CERS5: variants seen among roughly 807,000 people sequenced by gnomAD.
CERS5 encodes the protein ceramide synthase 5, also known as LAG1 homolog, ceramide synthase 5.
A neutral mutation model predicts 58.9 loss-of-function variants in CERS5; 37 were observed. That is an observed-to-expected ratio of 0.63 (90% CI 0.48 to 0.83). The LOEUF is 0.83. Among genes scored for constraint, CERS5 ranks in the 40% least tolerant of loss-of-function variants. The pLI, the probability that CERS5 is intolerant of heterozygous loss-of-function variation, is 0.00. For synonymous variants in CERS5, 147 were observed against 177.8 expected (o/e 0.83, Z 1.38); for missense variants, 398 against 489.3 (o/e 0.81, Z 1.76).
At chr12:50,147,677 G>C (rs1263375662) in intron 1 of CERS5, among the ~76,000 whole-genome samples, 1 of 152,190 alleles carries the variant, frequency 6.6e-6, no homozygotes, top group Admixed American at 6.5e-5. Flanking sequence ...GCTGACATGA[G>C]ACTACAGCTG....
intron 1 of CERS5, chr12:50,144,885 C>G: frequency 1.1e-6 from 1 of 919,494 alleles, no homozygotes; most frequent in Non-Finnish European, 1.6e-6. Context: ...CCTGTAATCC[C>G]AGCACTTTGG....
intron 9 of CERS5, 72 bp downstream of exon 9, chr12:50,134,474 T>C (rs751613450): frequency 5.6e-6 from 9 of 1,612,494 alleles, no homozygotes; most frequent in Non-Finnish European, 6.8e-6. Flanking sequence ...CCAGGTTTGA[T>C]GGAGAGAGAA....
intron 1 of CERS5, among the ~76,000 whole-genome samples, chr12:50,150,145 A>G (rs1053812823): frequency 1.2e-4 from 18 of 152,244 alleles, no homozygotes; most frequent in Non-Finnish European, 2.1e-4. Context: ...ACATATAAAA[A>G]GAACAGGAGT....
chr12:50,143,226 C>T (rs1208023639), intron 2 of CERS5, 22 bp from the exon 3 acceptor site: 2 of 1,613,466 alleles, frequency 1.2e-6, no homozygotes, highest in Non-Finnish European at 1.7e-6. Flanking sequence ...TAACCAGAGT[C>T]AGAACACCCG....
At chr12:50,133,834 G>T in intron 9 of CERS5, 1 of 901,316 alleles carries the variant, frequency 1.1e-6, no homozygotes, top group East Asian at 1.2e-4. Context: ...AGCACTTCGG[G>T]AGGCCAAGGT....
chr12:50,130,209 G>T lies in CERS5; in HGVS notation c.*336C>A. 1 of 202,334 alleles carries T rather than the reference G, an allele frequency of 4.9e-6. No homozygotes were observed. The allele number at this position is 202,334 out of a possible 1,614,324, so 12.5% of individuals were successfully genotyped here. ...CATAATTCAAGATGCAGCCAAATGT[G>T]GAACTAAGGTGGGTTCAGTGGGGAC... is the stretch of plus-strand genomic sequence containing the variant. On this transcript the variant is annotated 3_prime_UTR_variant, in exon 10 of 10. Transcript: ENST00000317551.
chr12:50,149,878 G>A (rs1323280363), intron 1 of CERS5, among the ~76,000 whole-genome samples: 1 of 152,102 alleles, frequency 6.6e-6, no homozygotes, highest in South Asian at 2.1e-4. Flanking sequence ...TAGTAGCTGG[G>A]ACTACAGGCG....
intron 1 of CERS5, among the ~76,000 whole-genome samples, chr12:50,145,321 A>T (rs890915885): frequency 6.6e-6 from 1 of 151,772 alleles, no homozygotes; most frequent in Non-Finnish European, 1.5e-5. Flanking sequence ...GAAAGATCTC[A>T]CTCTCCCCCG....
intron 1 of CERS5, among the ~76,000 whole-genome samples, chr12:50,148,175 T>C (rs966019305): frequency 6.6e-6 from 1 of 151,918 alleles, no homozygotes; most frequent in African/African-American, 2.4e-5. Context: ...TGGTAGCTCA[T>C]GCCTGTGGTC....
chr12:50,163,052 C>A (rs1338153379), intron 1 of CERS5, among the ~76,000 whole-genome samples: 1 of 152,152 alleles, frequency 6.6e-6, no homozygotes, highest in Non-Finnish European at 1.5e-5. Flanking sequence ...ATGCATGCCA[C>A]CACATCTGGC....
In CERS5 at chr12:50,143,195, T is replaced by G; in HGVS notation, c.313A>C (p.Lys105Gln). The G allele has an allele frequency of 6.2e-7, 1 of 1,614,134 alleles. No individual in the cohort carries two copies. Among genetic ancestry groups the G allele is most frequent in the Non-Finnish European group, 8.5e-7 (1 of 1,180,030 alleles). The change falls in exon 3 of 10, where the codon AAG becomes CAG. Residue 105 changes from lysine (K) to glutamine (Q), a missense_variant. Physicochemically the swap from Lys to Gln is moderately conservative, Grantham distance 53. Around this residue, in one of 3 missense-constraint regions of CERS5, gnomAD observed 328 missense variants for 384.5 expected, o/e 0.85. Transcript: ENST00000317551. ...VFISITKYPDKKRLEGLSKQL... is the reference protein window; with the variant it reads ...VFISITKYPDQKRLEGLSKQL... ...TTTGACAGGCCCTCCAGCCTTTTCT[T>G]ATCAGGATACTGTGAATGTATAACC... is the stretch of plus-strand genomic sequence containing the variant.
chr12:50,154,614 A>G (rs1938363013), intron 1 of CERS5, among the ~76,000 whole-genome samples: 1 of 152,072 alleles, frequency 6.6e-6, no homozygotes, highest in African/African-American at 2.4e-5. Flanking sequence ...CTGTTCTTCT[A>G]TTTTTTCTTT....
In CERS5 at chr12:50,135,305, AGGAGTGTGTGTGTGT is replaced by A. The variant is rs1565769487; in HGVS notation, c.872+412_872+426del. The A allele has an allele frequency of 8.8e-4, 191 of 216,950 alleles. 1 individual carries two copies. The East Asian group carries it at 0.013, about 15-fold the overall frequency. The allele number at this position is 216,950 out of a possible 1,614,324, so 13.4% of individuals were successfully genotyped here. ...AGAGGAGAGGGAGGAAGAGAGAGAG[AGGAGTGTGTGTGTGT>A]GTGTGTGTGTGTGTGTGTGTGTGTG... On this transcript the variant is annotated intron_variant, in intron 8 of 9. Coordinates refer to ENST00000317551, the MANE Select transcript of CERS5 (RefSeq NM_147190.5).
intron 1 of CERS5, chr12:50,154,342 G>T (rs922648014): frequency 1.8e-5 from 3 of 169,378 alleles, no homozygotes; most frequent in Non-Finnish European, 2.6e-5. Flanking sequence ...GCAAGACTCC[G>T]TCTCAAAACA....
chr12:50,155,736 CAAAA>C (rs146913126), intron 1 of CERS5, among the ~76,000 whole-genome samples: 1 of 21,474 alleles, frequency 4.7e-5, no homozygotes, highest in Admixed American at 9.0e-4. Context: ...GACTCCATCT[CAAAA>C]AAAAAAAAAA....
Position 50,161,504 on chromosome 12 carries a change from C to A in CERS5, c.197+5597G>T, listed in dbSNP as rs898660443. Among the ~76,000 whole-genome samples the A allele has an allele frequency of 1.2e-4, 18 of 152,112 alleles. No individual in the cohort carries two copies. In the South Asian group the frequency reaches 2.3e-3, roughly 19 times the overall value. The stretch of plus-strand genomic sequence containing the variant: ...CAAACAAAGCAAAGTTGGCCAGATG[C>A]GGTGGCTCACGCCTGTAATCCTAGC... On this transcript the variant is annotated intron_variant, in intron 1 of 9. Coordinates refer to ENST00000317551, the MANE Select transcript of CERS5 (RefSeq NM_147190.5).
At chr12:50,133,230 C>A (rs1487039129) in intron 9 of CERS5, 26 of 1,099,918 alleles carry the variant, frequency 2.4e-5, no homozygotes, top group Non-Finnish European at 2.8e-5. Context: ...AGTATCAGTA[C>A]CTGCTCAAGC....
rs1354636871 is a variant in CERS5, at chr12:50,143,221, A to G, written c.304-17T>C. 1.2e-6 allele frequency: 2 copies of G among 1,613,552 alleles called. No homozygotes were observed. Among genetic ancestry groups the G allele is most frequent in the Non-Finnish European group, 1.7e-6 (2 of 1,179,804 alleles). The stretch of plus-strand genomic sequence containing the variant: ...ATCAGGATACTGTGAATGTATAACC[A>G]GAGTCAGAACACCCGTCTCCTCATA... On this transcript the variant is annotated splice_polypyrimidine_tract_variant and intron_variant, in intron 2 of 9. Transcript: ENST00000317551.
At chr12:50,142,597 A>C (rs1952034414) in intron 3 of CERS5, among the ~76,000 whole-genome samples, 1 of 152,112 alleles carries the variant, frequency 6.6e-6, no homozygotes, top group South Asian at 2.1e-4. Flanking sequence ...CATTAGGAAA[A>C]TATTAGGCTG....
Sources: gnomAD v4.1 joint callset for allele counts (sites outside exome capture counted in the v4.1 genomes callset) on GRCh38, gnomAD v4.1.1 for gene constraint, gnomAD v4.1.1 regional missense constraint, MANE v1.5 for transcripts, NCBI Gene and HGNC (gene_info 2026-07-23, HGNC 2026-07-21) for gene names.